The following ZMAT2 variants were observed in gnomAD, a reference collection of about 807,000 sequenced individuals.
The protein encoded by ZMAT2 is zinc finger matrin-type 2.
A neutral mutation model predicts 27.5 loss-of-function variants in ZMAT2; 5 were observed. The observed-to-expected ratio is 0.18, with a 90% CI of 0.10 to 0.38. The LOEUF is 0.38. Among genes scored for constraint, ZMAT2 ranks in the 10% least tolerant of loss-of-function variants. ZMAT2 has a pLI of 1.00. For missense variants in ZMAT2, 124 were observed against 243.9 expected (o/e 0.51, Z 3.27); for synonymous variants, 76 against 78.6 (o/e 0.97, Z 0.17).
chr5:140,700,598 A>G (rs920500059), intron 1 of ZMAT2, 120 bp downstream of exon 1: 18 of 1,562,816 alleles, frequency 1.2e-5, no homozygotes, highest in Non-Finnish European at 1.5e-5. Context: ...CCCAGGGTTC[A>G]GGTTCAAGAA....
In ZMAT2 at chr5:140,706,145, T is replaced by C; in HGVS notation, c.*389T>C. The C allele has an allele frequency of 1.2e-5, 2 of 172,304 alleles. 1 individual carries two copies. Among genetic ancestry groups the C allele is most frequent in the Non-Finnish European group, 2.5e-5 (2 of 80,392 alleles). 10.7% of individuals were successfully genotyped at this position (172,304 alleles called of 1,614,324 possible). On this transcript the variant is annotated 3_prime_UTR_variant, in exon 6 of 6. Transcript: ENST00000274712. ...CTGCCTTTGTTTTAATTTTAACTCATGTTCATCCTGCAACAGAAGCATTCT... is the reference window on the plus strand; with the variant it reads ...CTGCCTTTGTTTTAATTTTAACTCACGTTCATCCTGCAACAGAAGCATTCT...
At chr5:140,701,723 C>T (rs1306978649) in intron 2 of ZMAT2, among the ~76,000 whole-genome samples, 1 of 152,212 alleles carries the variant, frequency 6.6e-6, no homozygotes, top group African/African-American at 2.4e-5. Flanking sequence ...TCTAGTAATT[C>T]TTCAGAAATT....
In ZMAT2 at chr5:140,705,821, G is replaced by T; in HGVS notation, c.*65G>T. The T allele has an allele frequency of 6.4e-7, 1 of 1,557,820 alleles. No individual in the cohort carries two copies. Among genetic ancestry groups the T allele is most frequent in the Non-Finnish European group, 8.7e-7 (1 of 1,150,976 alleles). The stretch of plus-strand genomic sequence containing the variant: ...CTAACTTTGCGTGTGTGTGTGTGTA[G>T]TAGGGGGTCATTTCTTTTTGGGTAA... On this transcript the variant is annotated 3_prime_UTR_variant, in exon 6 of 6. Coordinates refer to ENST00000274712, the MANE Select transcript of ZMAT2 (RefSeq NM_144723.3).
intron 4 of ZMAT2, 144 bp downstream of exon 4, chr5:140,704,135 TG>T: frequency 2.6e-6 from 2 of 774,436 alleles, no homozygotes; most frequent in Admixed American, 2.7e-5. Context: ...GGCTCTTTTT[TG>T]ATGCCCCTAT....
chr5:140,702,501 A>G (rs766455702), intron 3 of ZMAT2, among the ~76,000 whole-genome samples: 5 of 152,186 alleles, frequency 3.3e-5, no homozygotes, highest in Admixed American at 6.5e-5. Flanking sequence ...CAAAAATCAT[A>G]CTATGAGCAC....
At chr5:140,704,274 G>C in intron 4 of ZMAT2, 152 bp from the exon 5 acceptor site, 1 of 1,079,264 alleles carries the variant, frequency 9.3e-7, no homozygotes, top group East Asian at 2.4e-5. Flanking sequence ...ACCATGTGCT[G>C]CTCCTGGACC....
chr5:140,700,609 C>T (rs532597586), intron 1 of ZMAT2, 131 bp downstream of exon 1: 1 of 1,539,326 alleles, frequency 6.5e-7, no homozygotes, highest in East Asian at 2.3e-5. Context: ...GGTTCAAGAA[C>T]TCCCCAGTAA....
At chr5:140,703,287 G>T (rs1434443695) in intron 3 of ZMAT2, among the ~76,000 whole-genome samples, 1 of 150,438 alleles carries the variant, frequency 6.6e-6, no homozygotes, top group Middle Eastern at 3.4e-3. Context: ...TCTTGCCCAG[G>T]ATGAAATGCA....
In ZMAT2 at chr5:140,704,585, A is replaced by C; in HGVS notation, c.456+14A>C. 1 of 1,612,026 alleles carries C rather than the reference A, an allele frequency of 6.2e-7. No homozygotes were observed. Among genetic ancestry groups the C allele is most frequent in the East Asian group, 2.2e-5 (1 of 44,846 alleles). ...CTCAGAGAAGAGGTAAGGGTCTCCT[A>C]TCCTTCCCCTCTCCCCCAGATTTGA... On this transcript the variant is annotated intron_variant, in intron 5 of 5. Coordinates refer to ENST00000274712, the MANE Select transcript of ZMAT2 (RefSeq NM_144723.3).
In ZMAT2 at chr5:140,704,002, G is replaced by A; in HGVS notation, c.310+11G>A. 1 of 1,613,760 alleles carries A rather than the reference G, an allele frequency of 6.2e-7. No homozygotes were observed. Among genetic ancestry groups the A allele is most frequent in the Non-Finnish European group, 8.5e-7 (1 of 1,179,660 alleles). ...TTAATGGAAAGAAACGTAAGGCTTG[G>A]AGGTAGCTTGTGACTAGGGCTGGAA... On this transcript the variant is annotated intron_variant, in intron 4 of 5. Coordinates refer to ENST00000274712, the MANE Select transcript of ZMAT2 (RefSeq NM_144723.3).
intron 1 of ZMAT2, 55 bp downstream of exon 1, chr5:140,700,533 C>G: frequency 1.9e-6 from 3 of 1,611,376 alleles, no homozygotes; most frequent in South Asian, 1.1e-5. Flanking sequence ...GTTTTTCAGA[C>G]CTGAATAGAG....
In ZMAT2 at chr5:140,705,615, G is replaced by A. The variant is rs1760043332; in HGVS notation, c.459G>A (p.Glu153=). 6.2e-7 allele frequency: 1 copy of A among 1,611,622 alleles called. No individual in the cohort carries two copies. Among genetic ancestry groups the A allele is most frequent in the Non-Finnish European group, 8.5e-7 (1 of 1,178,844 alleles). Residue 153 remains glutamate, a splice_region_variant and synonymous_variant, in exon 6 of 6, where the codon GAG becomes GAA. Transcript: ENST00000274712. ...EERMKELREE[E]EKAKAYKKEK... is the part of the protein sequence containing the mutation. ...TTCTGAGTGATTTTTCCCTCCAGGAGGAAAAGGCCAAAGCGTACAAGAAAG... is the reference window on the plus strand; with the variant it reads ...TTCTGAGTGATTTTTCCCTCCAGGAAGAAAAGGCCAAAGCGTACAAGAAAG...
intron 5 of ZMAT2, 36 bp from the exon 6 acceptor site, chr5:140,705,577 G>A (rs1760041569): frequency 6.3e-7 from 1 of 1,577,800 alleles, no homozygotes; most frequent in Admixed American, 1.9e-5. Context: ...TTTGGCTGAG[G>A]AGTCTAAACT....
rs1328928569 is a variant in ZMAT2, at chr5:140,703,494, A to G, written c.237-424A>G. On this transcript the variant is annotated intron_variant, in intron 3 of 5. Transcript: ENST00000274712. ...GGTGATCCGCCCGCCTCGGCCTCCCAAAGTGCTGGGATTACAGGCGTGAGC... is the reference window on the plus strand; with the variant it reads ...GGTGATCCGCCCGCCTCGGCCTCCCGAAGTGCTGGGATTACAGGCGTGAGC... Among the ~76,000 whole-genome samples, 5 of 152,190 alleles carry G rather than the reference A, an allele frequency of 3.3e-5. No individual in the cohort carries two copies. In the South Asian group the frequency reaches 1.0e-3, roughly 32 times the overall value.
chr5:140,700,466 G>A lies in ZMAT2; in HGVS notation c.6G>A (p.Ala2=). The A allele has an allele frequency of 6.2e-7, 1 of 1,612,960 alleles. No individual in the cohort carries two copies. Among genetic ancestry groups the A allele is most frequent in the Non-Finnish European group, 8.5e-7 (1 of 1,179,872 alleles). M[A]SGSGTKNLDF... Reference sequence around the variant, plus strand: ...CCATTCACTTCGCTGTGAAGATGGCGTCGGGCAGCGGGGTAGGTGTTGTGT... The same window carrying A: ...CCATTCACTTCGCTGTGAAGATGGCATCGGGCAGCGGGGTAGGTGTTGTGT... Residue 2 remains alanine, a synonymous_variant, in exon 1 of 6, where the codon GCG becomes GCA. Coordinates refer to ENST00000274712, the MANE Select transcript of ZMAT2 (RefSeq NM_144723.3).
chr5:140,704,127 C>G, intron 4 of ZMAT2, 136 bp downstream of exon 4: 1 of 825,434 alleles, frequency 1.2e-6, no homozygotes, highest in South Asian at 1.7e-5. Flanking sequence ...TTCTACTGGG[C>G]TCTTTTTTGA....
intron 2 of ZMAT2, 66 bp from the exon 3 acceptor site, chr5:140,701,940 A>G: frequency 6.5e-7 from 1 of 1,536,868 alleles, no homozygotes; most frequent in Non-Finnish European, 8.8e-7. Context: ...GATTTCATGC[A>G]TTTTTTTTCC....
intron 3 of ZMAT2, 133 bp downstream of exon 3, chr5:140,702,262 A>T: frequency 8.2e-7 from 1 of 1,222,600 alleles, no homozygotes; most frequent in Non-Finnish European, 1.1e-6. Flanking sequence ...CTATCTTTAT[A>T]TTTGTTTTTC....
At chr5:140,701,323 T>A (rs1460336940) in intron 2 of ZMAT2, among the ~76,000 whole-genome samples, 1 of 152,162 alleles carries the variant, frequency 6.6e-6, no homozygotes, top group Admixed American at 6.5e-5. Flanking sequence ...CCCTCCCATA[T>A]AGTCTGAGAA....
Sources: allele counts gnomAD v4.1 joint callset (sites outside exome capture counted in the v4.1 genomes callset), GRCh38; gene constraint gnomAD v4.1.1; transcripts MANE v1.5; gene names NCBI Gene and HGNC (gene_info 2026-07-23, HGNC 2026-07-21).